Variants in DMTF1 observed in about 807,000 individuals in gnomAD.
DMTF1 encodes the protein cyclin D binding myb like transcription factor 1, also known as cyclin-D-binding Myb-like transcription factor 1.
In DMTF1, 39 loss-of-function variants were observed where a neutral mutation model predicts 91.1. The ratio of observed to expected loss-of-function variants is 0.43; its 90% CI spans 0.33 to 0.56. DMTF1 has a LOEUF of 0.56. DMTF1 is among the 20% of genes least tolerant of loss of function. The pLI, the probability that DMTF1 is intolerant of heterozygous loss-of-function variation, is 0.05. For synonymous variants in DMTF1, 338 were observed against 309.5 expected (o/e 1.09, Z -0.97); for missense variants, 750 against 914.5 (o/e 0.82, Z 2.32).
Position 87,188,230 on chromosome 7 carries a change from TG to T in DMTF1, c.1342del (p.Glu448LysfsTer37). 6.2e-7 allele frequency: 1 copy of T among 1,613,996 alleles called. No individual in the cohort carries two copies. The highest frequency in any genetic ancestry group is 8.5e-7 in the Non-Finnish European group (1 of 1,179,918). On this transcript the variant is annotated frameshift_variant, in exon 13 of 18. Coordinates refer to ENST00000331242, the MANE Select transcript of DMTF1 (RefSeq NM_001142327.2). LOFTEE classifies it high-confidence loss of function. ...VQHVQIRVAR[L>X]EDNTAISSSP... Reference sequence around the variant, plus strand: ...CATGTTCAGATAAGAGTTGCCCGCTTGGAAGATAATACAGCCATCTCTTCTA... The same window carrying T: ...CATGTTCAGATAAGAGTTGCCCGCTTGAAGATAATACAGCCATCTCTTCTA...
At chr7:87,186,075 A>C (rs1444708704) in intron 12 of DMTF1, 95 bp downstream of exon 12, 1 of 1,339,538 alleles carries the variant, frequency 7.5e-7, no homozygotes, top group African/African-American at 1.5e-5. Flanking sequence ...CCAGCTAGAG[A>C]TATCATAGCA....
chr7:87,155,815 A>G (rs890406893), intron 1 of DMTF1, among the ~76,000 whole-genome samples: 1 of 151,614 alleles, frequency 6.6e-6, no homozygotes, highest in Non-Finnish European at 1.5e-5. Context: ...TGTCAGAGAA[A>G]AGCACACTGG....
chr7:87,187,523 G>C (rs952408974), intron 12 of DMTF1: 2 of 154,246 alleles, frequency 1.3e-5, no homozygotes, highest in African/African-American at 2.4e-5. Context: ...CTGAGCAACA[G>C]AGCAAGACCT....
At chr7:87,183,701 T>A (rs1797841298) in intron 10 of DMTF1, among the ~76,000 whole-genome samples, 2 of 152,098 alleles carry the variant, frequency 1.3e-5, no homozygotes, top group Admixed American at 6.5e-5. Context: ...GTAAAGAAGA[T>A]GAAAAAAAAT....
chr7:87,166,411 T>C (rs1364459802), intron 3 of DMTF1, 72 bp from the exon 4 acceptor site: 2 of 1,489,548 alleles, frequency 1.3e-6, no homozygotes, highest in South Asian at 1.2e-5. Flanking sequence ...AAGAAAATTG[T>C]AGAGCCATTG....
intron 6 of DMTF1, among the ~76,000 whole-genome samples, chr7:87,174,011 A>G (rs926663917): frequency 2.0e-5 from 3 of 152,202 alleles, no homozygotes; most frequent in Non-Finnish European, 4.4e-5. Context: ...TAGAGGCTCA[A>G]GGTAACATAG....
intron 8 of DMTF1, among the ~76,000 whole-genome samples, chr7:87,180,760 C>G (rs1797152747): frequency 6.7e-6 from 1 of 149,840 alleles, no homozygotes; most frequent in Non-Finnish European, 1.5e-5. Flanking sequence ...AATGTTGATT[C>G]TTTTTCTAGA....
At chr7:87,184,713 C>A in intron 11 of DMTF1, 88 bp downstream of exon 11, 2 of 1,124,944 alleles carry the variant, frequency 1.8e-6, no homozygotes, top group Non-Finnish European at 2.6e-6. Flanking sequence ...TTCCTGGATG[C>A]CTAGTGTCTG....
In DMTF1 at chr7:87,193,884, C is replaced by T; in HGVS notation, c.1810C>T (p.Pro604Ser). The T allele has an allele frequency of 6.2e-7, 1 of 1,613,350 alleles. No homozygotes were observed. Among genetic ancestry groups the T allele is most frequent in the Non-Finnish European group, 8.5e-7 (1 of 1,179,602 alleles). Residue 604 changes from proline (P) to serine (S), a missense_variant, in exon 16 of 18, where the codon CCA becomes TCA. Physicochemically the swap from Pro to Ser is moderately conservative, Grantham distance 74 (BLOSUM62 -1). Coordinates refer to ENST00000331242, the MANE Select transcript of DMTF1 (RefSeq NM_001142327.2). ...TCAGTCATCTGATTTTCCTGAGCCT[C>T]CAGACGCCCTAGAAGCAGACACTTT... ...DIQSSDFPEP[P>S]DALEADTFPD...
intron 4 of DMTF1, 135 bp from the exon 5 acceptor site, chr7:87,170,860 G>A (rs1584299081): frequency 1.6e-6 from 1 of 644,590 alleles, no homozygotes; most frequent in Non-Finnish European, 2.8e-6. Context: ...GCAAATGAAT[G>A]TATGTATGTG....
chr7:87,170,471 G>A (rs1794813442), intron 4 of DMTF1, among the ~76,000 whole-genome samples: 1 of 152,154 alleles, frequency 6.6e-6, no homozygotes, highest in Non-Finnish European at 1.5e-5. Flanking sequence ...TAGCTACACT[G>A]GCCTCCTTGC....
chr7:87,181,417 C>T, intron 9 of DMTF1, 76 bp downstream of exon 9: 1 of 749,950 alleles, frequency 1.3e-6, no homozygotes. Context: ...TTGAAAATTT[C>T]AAGAGGTTTT....
intron 1 of DMTF1, among the ~76,000 whole-genome samples, chr7:87,162,461 C>A (rs551950234): frequency 1.2e-4 from 19 of 152,142 alleles, no homozygotes; most frequent in Non-Finnish European, 2.4e-4. Flanking sequence ...TATAAAATTG[C>A]ACAATACACT....
rs867621228 is a variant in DMTF1 at position 87,178,220 on chromosome 7, C to T, written c.520-1325C>T. Among the ~76,000 whole-genome samples the T allele has an allele frequency of 1.7e-4, 26 of 152,150 alleles. 1 individual carries two copies. Among genetic ancestry groups the T allele is most frequent in the African/African-American group, 6.3e-4 (26 of 41,542 alleles). ...AGTTCTGATGCTCTTAATTTTGACG[C>T]TGTGTGGGAGCTTTTTAAAATGTTA... On this transcript the variant is annotated intron_variant, in intron 7 of 17. Transcript: ENST00000331242.
At chr7:87,170,756 G>A (rs184277632) in intron 4 of DMTF1, among the ~76,000 whole-genome samples, 1 of 152,296 alleles carries the variant, frequency 6.6e-6, no homozygotes, top group East Asian at 1.9e-4. Flanking sequence ...CAGGCTCCAT[G>A]AAGAAAGGAT....
intron 1 of DMTF1, among the ~76,000 whole-genome samples, chr7:87,154,970 A>G (rs1790297958): frequency 6.6e-6 from 1 of 152,198 alleles, no homozygotes; most frequent in Admixed American, 6.5e-5. Context: ...ACAGACTCTA[A>G]TTTTTATTAA....
At chr7:87,155,593 C>G (rs916677744) in intron 1 of DMTF1, 3 of 152,088 alleles carry the variant, frequency 2.0e-5, no homozygotes, top group Non-Finnish European at 4.4e-5. Context: ...ACTTTCATGT[C>G]ATTTCTCCGT....
chr7:87,164,693 G>A (rs1793393228), intron 2 of DMTF1, among the ~76,000 whole-genome samples: 2 of 152,166 alleles, frequency 1.3e-5, no homozygotes, highest in South Asian at 4.1e-4. Flanking sequence ...TATTACAAAT[G>A]TTGTAGGTTT....
At chr7:87,177,102 G>A (rs1479852400) in intron 7 of DMTF1, among the ~76,000 whole-genome samples, 2 of 152,050 alleles carry the variant, frequency 1.3e-5, no homozygotes, top group East Asian at 3.8e-4. Flanking sequence ...TTGCTGTGAA[G>A]TTTCATACAT....
Sources: allele counts gnomAD v4.1 joint callset (sites outside exome capture counted in the v4.1 genomes callset), GRCh38; gene constraint gnomAD v4.1.1; transcripts MANE v1.5; gene names NCBI Gene and HGNC (gene_info 2026-07-23, HGNC 2026-07-21).